The following SF3A2 variants were observed in gnomAD, a reference collection of about 807,000 sequenced individuals.
SF3A2 encodes SAP 62.
In SF3A2, 5 loss-of-function variants were observed where a neutral mutation model predicts 31.1. The observed-to-expected ratio is 0.16, with a 90% CI of 0.08 to 0.34. The LOEUF is 0.34. Ranked by LOEUF, SF3A2 falls within the 10% of genes least tolerant of loss-of-function variation. SF3A2 has a pLI of 1.00. For missense variants in SF3A2, 577 were observed against 643.9 expected (o/e 0.90, Z 1.13); for synonymous variants, 365 against 263.7 (o/e 1.38, Z -3.72).
In SF3A2 at chr19:2,245,884, C is replaced by T. The variant is rs1481549199; in HGVS notation, c.355+329C>T. 2.9e-6 allele frequency: 1 copy of T among 349,734 alleles called. No individual in the cohort carries two copies. The highest frequency in any genetic ancestry group is 5.3e-6 in the Non-Finnish European group (1 of 187,328). The allele number at this position is 349,734 out of a possible 1,614,324, so 21.7% of individuals were successfully genotyped here. On this transcript the variant is annotated intron_variant, in intron 5 of 8. Coordinates refer to ENST00000221494, the MANE Select transcript of SF3A2 (RefSeq NM_007165.5). The surrounding 1 kb of genome is among the most constrained non-coding windows in gnomAD (Gnocchi z 4.2). ...AGGTGTGGTGAGCCCTGGCACATCC[C>T]TCCGGTTAACCTTGAAGCCTTTGAA...
rs780934555 is a variant in SF3A2, at chr19:2,247,983, C to T, written c.832C>T (p.Pro278Ser). 2.1e-6 allele frequency: 2 copies of T among 968,084 alleles called. No individual in the cohort carries two copies. The highest frequency in any genetic ancestry group is 2.6e-5 in the East Asian group (1 of 38,466). The allele number at this position is 968,084 out of a possible 1,614,324, so 60.0% of individuals were successfully genotyped here. ...GPAPSGPPGP[P>S]QLPPPAPGVH... ...TGCGCCCTCAGGGCCCCCGGGACCA[C>T]CCCAGCTACCCCCGCCAGCTCCAGG... The change falls in exon 9 of 9, where the codon CCC (proline) becomes TCC (serine). Residue 278 changes from proline to serine, a missense_variant. By Grantham distance (74) the Pro-to-Ser change is moderately conservative. Coordinates refer to ENST00000221494, the MANE Select transcript of SF3A2 (RefSeq NM_007165.5).
At chr19:2,239,382 GAA>G (rs538575848) in intron 1 of SF3A2, among the ~76,000 whole-genome samples, 6 of 149,334 alleles carry the variant, frequency 4.0e-5, no homozygotes, top group African/African-American at 1.5e-4. Flanking sequence ...AAAAGAGAGA[GAA>G]AAAAATCTGT....
intron 1 of SF3A2, among the ~76,000 whole-genome samples, chr19:2,242,408 C>T (rs1360583694): frequency 3.3e-5 from 5 of 152,188 alleles, no homozygotes; most frequent in East Asian, 1.9e-4. Context: ...CTCGGGGCCC[C>T]TTCCTCCCCA....
chr19:2,244,424 C>G, intron 2 of SF3A2, 120 bp from the exon 3 acceptor site: 1 of 756,118 alleles, frequency 1.3e-6, no homozygotes, highest in Non-Finnish European at 2.2e-6. Flanking sequence ...GGTAGCCATG[C>G]CTCTACAGAA....
In SF3A2 at chr19:2,243,462, G is replaced by T; in HGVS notation, c.44G>T (p.Gly15Val). The T allele has an allele frequency of 6.4e-7, 1 of 1,556,468 alleles. No homozygotes were observed. Among genetic ancestry groups the T allele is most frequent in the Non-Finnish European group, 8.6e-7 (1 of 1,158,018 alleles). ...HRPGGKTGSGGVASSSESNRD... is the reference protein window; with the variant it reads ...HRPGGKTGSGVVASSSESNRD... ...CCCGGGGGCAAGACCGGGAGCGGGG[G>T]CGTGGCCTCCTCCTCCGAGAGCAAC... is the stretch of plus-strand genomic sequence containing the variant. Residue 15 changes from glycine (G) to valine (V), a missense_variant, in exon 2 of 9, where the codon GGC (glycine) becomes GTC (valine). By Grantham distance (109) the Gly-to-Val change is moderately radical (BLOSUM62 -3). This residue lies in a region of SF3A2 where 40 missense variants were observed against 50.0 expected (regional missense o/e 0.80). Coordinates refer to ENST00000221494, the MANE Select transcript of SF3A2 (RefSeq NM_007165.5).
At position 2,247,799 on chromosome 19, in the gene SF3A2, GC is replaced by G; in HGVS notation, c.653del (p.Pro218ArgfsTer13). 1.2e-6 allele frequency: 2 copies of G among 1,610,474 alleles called. No homozygotes were observed. The part of the protein sequence containing the change: ...FLQFHFKMEK[P>X]PAPPSLPAGP... ...TCCAGTTCCACTTTAAGATGGAGAA[GC>G]CCCCGGCTCCACCCAGCCTCCCTGC... On this transcript the variant is annotated frameshift_variant, in exon 9 of 9. Coordinates refer to ENST00000221494, the MANE Select transcript of SF3A2 (RefSeq NM_007165.5). LOFTEE classifies it low-confidence loss of function (END_TRUNC).
At chr19:2,242,129 C>T (rs1222718617) in intron 1 of SF3A2, among the ~76,000 whole-genome samples, 1 of 146,920 alleles carries the variant, frequency 6.8e-6, no homozygotes, top group Admixed American at 6.6e-5. Context: ...CAGCGTGCCC[C>T]TGCACACCTG....
In SF3A2 at chr19:2,246,262, C is replaced by T. The variant is rs1020603788; in HGVS notation, c.356-491C>T. ...AGGCGGCAGAGGGCTTGTGAGTGTGCGTGTCTGAGGCCGCATGGAGAGTGG... is the reference window on the plus strand; with the variant it reads ...AGGCGGCAGAGGGCTTGTGAGTGTGTGTGTCTGAGGCCGCATGGAGAGTGG... On this transcript the variant is annotated intron_variant, in intron 5 of 8. Coordinates refer to ENST00000221494, the MANE Select transcript of SF3A2 (RefSeq NM_007165.5). This position sits in a 1 kb window ranked among gnomAD's most constrained non-coding sequence, Gnocchi z 5.5. 2.0e-5 allele frequency among the ~76,000 whole-genome samples: 3 copies of T among 151,830 alleles called. No homozygotes were observed. The highest frequency in any genetic ancestry group is 4.2e-4 in the South Asian group (2 of 4,796).
intron 2 of SF3A2, 116 bp downstream of exon 2, chr19:2,243,660 G>C: frequency 1.7e-6 from 2 of 1,208,708 alleles, no homozygotes; most frequent in Non-Finnish European, 2.2e-6. Context: ...ATGCAGCCCC[G>C]TGTCCAGACG....
At chr19:2,243,285 G>A (rs899254872) in intron 1 of SF3A2, 97 bp from the exon 2 acceptor site, 3 of 973,474 alleles carry the variant, frequency 3.1e-6, no homozygotes, top group Admixed American at 3.3e-5. Flanking sequence ...AGGGTGAGGG[G>A]CAGTCTCGAG....
In SF3A2 at chr19:2,248,065, C is replaced by T; in HGVS notation, c.914C>T (p.Ala305Val). 1.1e-6 allele frequency: 1 copy of T among 925,486 alleles called. No homozygotes were observed. The highest frequency in any genetic ancestry group is 1.7e-6 in the Non-Finnish European group (1 of 600,584). 57.3% of individuals were successfully genotyped at this position (925,486 alleles called of 1,614,324 possible). A position where few individuals can be genotyped will look rare whatever the true frequency, so the allele number is the denominator to read the frequency against. Residue 305 changes from alanine (A) to valine (V), a missense_variant, in exon 9 of 9, where the codon GCT becomes GTT. Transcript: ENST00000221494. Reference protein sequence around the residue: ...HPPASGVHPPAPGVHPPAPGV... With the variant: ...HPPASGVHPPVPGVHPPAPGV... ...CCTGCATCTGGGGTCCATCCCCCAG[C>T]TCCTGGCGTCCACCCCCCAGCTCCT... is the stretch of plus-strand genomic sequence containing the variant.
intron 1 of SF3A2, among the ~76,000 whole-genome samples, chr19:2,240,643 G>A (rs1034564529): frequency 6.6e-6 from 1 of 152,216 alleles, no homozygotes; most frequent in Non-Finnish European, 1.5e-5. Context: ...CCGCTGGGGC[G>A]TTCTGTCTGG....
At chr19:2,243,359 C>T (rs2024906634) in intron 1 of SF3A2, 23 bp from the exon 2 acceptor site, 3 of 1,467,022 alleles carry the variant, frequency 2.0e-6, no homozygotes, top group Non-Finnish European at 2.7e-6. Flanking sequence ...CCATCTTCCT[C>T]ACTCTCCTCT....
intron 1 of SF3A2, among the ~76,000 whole-genome samples, chr19:2,239,100 C>G (rs747493249): frequency 5.4e-4 from 83 of 152,314 alleles, no homozygotes; most frequent in Admixed American, 1.0e-3. Context: ...CGTGGTGGCT[C>G]ACGCCTGTAA....
chr19:2,248,123 A>G lies in SF3A2; in HGVS notation c.972A>G (p.Pro324=). The change falls in exon 9 of 9, where the codon CCA becomes CCG. Residue 324 remains proline (P), a synonymous_variant. Transcript: ENST00000221494. ...ATCCCCCAGCCCCTGGGGTCCACCCACCAACCTCTGGGGTCCACCCCCCAG... is the reference window on the plus strand; with the variant it reads ...ATCCCCCAGCCCCTGGGGTCCACCCGCCAACCTCTGGGGTCCACCCCCCAG... The part of the protein sequence containing the change: ...GVHPPAPGVH[P]PTSGVHPPAP... 1.7e-6 allele frequency: 2 copies of G among 1,161,798 alleles called. No homozygotes were observed. Among genetic ancestry groups the G allele is most frequent in the African/African-American group, 2.2e-5 (1 of 45,610 alleles). The allele number at this position is 1,161,798 out of a possible 1,614,324, so 72.0% of individuals were successfully genotyped here.
intron 1 of SF3A2, among the ~76,000 whole-genome samples, chr19:2,240,473 C>T (rs1001514788): frequency 1.3e-5 from 2 of 152,122 alleles, no homozygotes; most frequent in Non-Finnish European, 2.9e-5. Flanking sequence ...TGTGGGTGTT[C>T]GGTGGCTGCG....
rs541379823 is a variant in SF3A2 at position 2,246,363 on chromosome 19, G to A, written c.356-390G>A. Among the ~76,000 whole-genome samples, 96 of 152,200 alleles carry A rather than the reference G, an allele frequency of 6.3e-4. No homozygotes were observed. The highest frequency in any genetic ancestry group is 3.4e-3 in the Middle Eastern group (1 of 294). On this transcript the variant is annotated intron_variant, in intron 5 of 8. Coordinates refer to ENST00000221494, the MANE Select transcript of SF3A2 (RefSeq NM_007165.5). This position sits in a 1 kb window ranked among gnomAD's most constrained non-coding sequence, Gnocchi z 5.5. Reference sequence around the variant, plus strand: ...TCTGGCGGGAAGGGCATCCTCTCTCGCTCACCGTATACATGGTGTCAGCCC... The same window carrying A: ...TCTGGCGGGAAGGGCATCCTCTCTCACTCACCGTATACATGGTGTCAGCCC...
rs1022100743 is a variant in SF3A2 at position 2,245,044 on chromosome 19, G to A, written c.245+265G>A. 1.8e-5 allele frequency: 10 copies of A among 554,982 alleles called. No homozygotes were observed. Among genetic ancestry groups the A allele is most frequent in the Non-Finnish European group, 3.2e-5 (10 of 310,000 alleles). The allele number at this position is 554,982 out of a possible 1,614,324, so 34.4% of individuals were successfully genotyped here. The stretch of plus-strand genomic sequence containing the variant: ...TACTAAAAATACAAAAATTAGGCCA[G>A]GCATGGTGGCACACGTCTGTAATCA... On this transcript the variant is annotated intron_variant, in intron 4 of 8. Coordinates refer to ENST00000221494, the MANE Select transcript of SF3A2 (RefSeq NM_007165.5). The surrounding 1 kb of genome is among the most constrained non-coding windows in gnomAD (Gnocchi z 4.2).
At chr19:2,243,782 G>C (rs1382792820) in intron 2 of SF3A2, among the ~76,000 whole-genome samples, 1 of 152,260 alleles carries the variant, frequency 6.6e-6, no homozygotes, top group Non-Finnish European at 1.5e-5. Context: ...ACAGCCTTCT[G>C]TTTTGCATTA....
Sources: allele counts gnomAD v4.1 joint callset (sites outside exome capture counted in the v4.1 genomes callset), GRCh38; gene constraint gnomAD v4.1.1; regional missense constraint gnomAD v4.1.1; non-coding constraint Gnocchi (gnomAD v3.1); transcripts MANE v1.5; gene names NCBI Gene and HGNC (gene_info 2026-07-23, HGNC 2026-07-21).